Variants in ITGAX observed in about 807,000 individuals in gnomAD.
ITGAX encodes the protein integrin subunit alpha X.
Under a neutral mutation model 140.2 loss-of-function variants are expected in ITGAX, and 99 were observed. The ratio of observed to expected loss-of-function variants is 0.71; its 90% CI spans 0.60 to 0.83. The LOEUF (loss-of-function observed/expected upper bound fraction) is 0.83. Ranked by LOEUF, ITGAX falls within the 40% of genes least tolerant of loss-of-function variation. The pLI, the probability that ITGAX is intolerant of heterozygous loss-of-function variation, is 0.00. For missense variants in ITGAX, 1,444 were observed against 1,482.0 expected, an observed-to-expected ratio of 0.97 and a Z score of 0.42; for synonymous variants, 631 against 600.4, an observed-to-expected ratio of 1.05 and a Z score of -0.75.
intron 14 of ITGAX, among the ~76,000 whole-genome samples, chr16:31,366,119 G>A (rs950634128): frequency 6.6e-6 from 1 of 152,142 alleles, no homozygotes; most frequent in African/African-American, 2.4e-5. Flanking sequence ...TTTTTTACAC[G>A]CTGAAGGTAT....
At chr16:31,372,014 G>A (rs1205891993) in intron 17 of ITGAX, among the ~76,000 whole-genome samples, 1 of 152,184 alleles carries the variant, frequency 6.6e-6, no homozygotes, top group Non-Finnish European at 1.5e-5. Context: ...AAAGAGAATT[G>A]GGCAACCTGA....
chr16:31,380,026 A>AT lies in ITGAX; in HGVS notation c.3022dup (p.Ser1008PhefsTer2), dbSNP rs747306770. 1.9e-6 allele frequency: 3 copies of AT among 1,614,118 alleles called. No homozygotes were observed. Among genetic ancestry groups the AT allele is most frequent in the Non-Finnish European group, 2.5e-6 (3 of 1,180,002 alleles). ...CCTCAGAGAAAATCGCACCCCCAGC[A>AT]TCTGACTTCCTGGCGCACATTCAGA... On this transcript the variant is annotated frameshift_variant, in exon 26 of 30. Transcript: ENST00000268296. LOFTEE classifies it high-confidence loss of function.
At position 31,362,837 on chromosome 16, in the gene ITGAX, C is replaced by T. The variant is rs986135513; in HGVS notation, c.1359+84C>T. 5 of 1,605,660 alleles carry T rather than the reference C, an allele frequency of 3.1e-6. No homozygotes were observed. The African/African-American group carries it at 6.7e-5, about 22-fold the overall frequency. Reference sequence around the variant, plus strand: ...GGAGAGGATGGAGGGGCTTTGAGGGCCTTGGGGGAGGTCCTGGTACCTGGG... The same window carrying T: ...GGAGAGGATGGAGGGGCTTTGAGGGTCTTGGGGGAGGTCCTGGTACCTGGG... On this transcript the variant is annotated intron_variant, in intron 12 of 29. Coordinates refer to ENST00000268296, the MANE Select transcript of ITGAX (RefSeq NM_000887.5).
intron 5 of ITGAX, among the ~76,000 whole-genome samples, chr16:31,359,218 G>T (rs976499885): frequency 2.0e-5 from 3 of 152,044 alleles, no homozygotes; most frequent in Non-Finnish European, 4.4e-5. Context: ...TGCCAGGTTG[G>T]AGTGCTGTGG....
rs1415590772 is a variant in ITGAX, at chr16:31,362,056, T to C, written c.1087-19T>C. ...TCCTGCTCCGGCCTCTGCTCAGCCC[T>C]GGAATCCTTTTCTCCCAGGATGGCC... On this transcript the variant is annotated intron_variant, in intron 10 of 29. Transcript: ENST00000268296. 6 of 1,613,990 alleles carry C rather than the reference T, an allele frequency of 3.7e-6. No individual in the cohort carries two copies. In the South Asian group the frequency reaches 6.6e-5, roughly 18 times the overall value.
At chr16:31,371,261 G>C (rs938395188) in intron 15 of ITGAX, 47 bp downstream of exon 15, 2 of 1,606,248 alleles carry the variant, frequency 1.2e-6, no homozygotes, top group Admixed American at 1.7e-5. Context: ...CCTAGGTTCA[G>C]ATGGGGGTGC....
chr16:31,382,118 G>A lies in ITGAX; in HGVS notation c.*211G>A. 7.0e-7 allele frequency: 1 copy of A among 1,420,836 alleles called. No homozygotes were observed. Among genetic ancestry groups the A allele is most frequent in the Non-Finnish European group, 9.1e-7 (1 of 1,093,796 alleles). The allele number at this position is 1,420,836 out of a possible 1,614,324, so 88.0% of individuals were successfully genotyped here. ...AAACCCTTAGGACAGGGTCCCTGCTGTGTTCCCCAAAGGACTTGACTTGCA... is the reference window on the plus strand; with the variant it reads ...AAACCCTTAGGACAGGGTCCCTGCTATGTTCCCCAAAGGACTTGACTTGCA... On this transcript the variant is annotated 3_prime_UTR_variant, in exon 30 of 30. Coordinates refer to ENST00000268296, the MANE Select transcript of ITGAX (RefSeq NM_000887.5).
chr16:31,369,841 AGT>A (rs2080937139), intron 14 of ITGAX: 1 of 151,922 alleles, frequency 6.6e-6, no homozygotes, highest in Non-Finnish European at 1.5e-5. Flanking sequence ...GCTGGAGTTC[AGT>A]GGCGCAATCA....
In ITGAX at chr16:31,362,601, G is replaced by A. The variant is rs1294621965; in HGVS notation, c.1217-10G>A. 1 of 1,608,828 alleles carries A rather than the reference G, an allele frequency of 6.2e-7. No homozygotes were observed. Among genetic ancestry groups the A allele is most frequent in the Admixed American group, 1.7e-5 (1 of 59,588 alleles). On this transcript the variant is annotated splice_polypyrimidine_tract_variant and intron_variant, in intron 11 of 29. Coordinates refer to ENST00000268296, the MANE Select transcript of ITGAX (RefSeq NM_000887.5). The stretch of plus-strand genomic sequence containing the variant: ...ATGGGGGCCTTTGTGCTGAGGCCTG[G>A]GCCCCTCAGGTTACTCCACCGAGCT...
At position 31,379,647 on chromosome 16, in the gene ITGAX, G is replaced by A; in HGVS notation, c.2868+1G>A. ...CCATGTGGCCATGCACAGATACCAG[G>A]CAGGTGGTGGAGACGCAGGAGACTG... On this transcript the variant is annotated splice_donor_variant, in intron 24 of 29. Transcript: ENST00000268296. LOFTEE classifies it high-confidence loss of function. 2 of 1,564,586 alleles carry A rather than the reference G, an allele frequency of 1.3e-6. No homozygotes were observed. Among genetic ancestry groups the A allele is most frequent in the Non-Finnish European group, 1.7e-6 (2 of 1,153,778 alleles).
intron 19 of ITGAX, 107 bp from the exon 20 acceptor site, chr16:31,373,142 T>C: frequency 2.7e-6 from 2 of 749,702 alleles, no homozygotes; most frequent in Non-Finnish European, 4.1e-6. Flanking sequence ...AACCCAGGGG[T>C]CCGTCCCCTG....
chr16:31,379,962 T>G lies in ITGAX; in HGVS notation c.2977-20T>G. ...CCTGATGTCCCAGCTGAGACACTTG[T>G]TCTCTGCATTTTCCCCCAGAACCCA... On this transcript the variant is annotated intron_variant, in intron 25 of 29. Transcript: ENST00000268296. The G allele has an allele frequency of 6.2e-7, 1 of 1,611,474 alleles. No homozygotes were observed. The highest frequency in any genetic ancestry group is 1.7e-5 in the Admixed American group (1 of 60,018).
rs369193261 is a variant in ITGAX, at chr16:31,371,077, T to C, written c.1711-7T>C. 9.3e-6 allele frequency: 15 copies of C among 1,613,940 alleles called. No homozygotes were observed. In the East Asian group the frequency reaches 1.8e-4, roughly 19 times the overall value. ...CATCTTGATTCACCCTTCTCTCCTC[T>C]GGCCAGCGGATCGCGGGCTCCCAGC... On this transcript the variant is annotated splice_region_variant and splice_polypyrimidine_tract_variant and intron_variant, in intron 14 of 29. Transcript: ENST00000268296.
chr16:31,379,945 C>T, intron 25 of ITGAX, 37 bp from the exon 26 acceptor site: 1 of 1,608,672 alleles, frequency 6.2e-7, no homozygotes, highest in Non-Finnish European at 8.5e-7. Context: ...TCCCTGATGT[C>T]CCAGCTGAGA....
At position 31,382,775 on chromosome 16, in the gene ITGAX, C is replaced by A; in HGVS notation, c.*868C>A. ...CGCCCTCTAGGGAGGGACATGGCCC[C>A]GGTGCGGCTGCAGCTCACCCAGCCC... On this transcript the variant is annotated 3_prime_UTR_variant, in exon 30 of 30. Coordinates refer to ENST00000268296, the MANE Select transcript of ITGAX (RefSeq NM_000887.5). 1 of 465,178 alleles carries A rather than the reference C, an allele frequency of 2.1e-6. No individual in the cohort carries two copies. The highest frequency in any genetic ancestry group is 3.9e-6 in the Non-Finnish European group (1 of 259,372). The allele number at this position is 465,178 out of a possible 1,614,324, so 28.8% of individuals were successfully genotyped here.
chr16:31,372,485 T>A lies in ITGAX; in HGVS notation c.2268T>A (p.Asp756Glu). 1 of 1,607,596 alleles carries A rather than the reference T, an allele frequency of 6.2e-7. No individual in the cohort carries two copies. The highest frequency in any genetic ancestry group is 8.5e-7 in the Non-Finnish European group (1 of 1,178,400). Residue 756 changes from aspartate to glutamate, a missense_variant, in exon 18 of 30, where the codon GAT becomes GAA. Asp to Glu is a conservative substitution (Grantham distance 45). Coordinates refer to ENST00000268296, the MANE Select transcript of ITGAX (RefSeq NM_000887.5). ...FRNLRPMLAADAQRYFTASLP... is the reference protein window; with the variant it reads ...FRNLRPMLAAEAQRYFTASLP... ...ACCTGCGGCCTATGCTGGCCGCCGA[T>A]GCTCAGAGATACTTCACGGCCTCCG... is the stretch of plus-strand genomic sequence containing the variant.
chr16:31,378,332 A>T (rs1395878137), intron 23 of ITGAX, among the ~76,000 whole-genome samples: 2 of 152,224 alleles, frequency 1.3e-5, no homozygotes, highest in Admixed American at 1.3e-4. Context: ...CCACAAAGGG[A>T]TGGAAGGAAA....
rs1325019771 is a variant in ITGAX, at chr16:31,380,949, T to C, written c.3329T>C (p.Val1110Ala). The change falls in exon 29 of 30, where the codon GTA (valine) becomes GCA (alanine). Residue 1110 changes from valine to alanine, a missense_variant. Coordinates refer to ENST00000268296, the MANE Select transcript of ITGAX (RefSeq NM_000887.5). ...GTCCACAACCCCACCCCCCTCATCG[T>C]AGGCAGCTCCATTGGGGGTCTGTTG... ...YKVHNPTPLI[V>A]GSSIGGLLLL... The C allele has an allele frequency of 1.2e-6, 2 of 1,614,066 alleles. No individual in the cohort carries two copies. Among genetic ancestry groups the C allele is most frequent in the Non-Finnish European group, 1.7e-6 (2 of 1,180,044 alleles).
chr16:31,362,791 A>G, intron 12 of ITGAX, 38 bp downstream of exon 12: 10 of 1,610,278 alleles, frequency 6.2e-6, no homozygotes, highest in Non-Finnish European at 8.5e-6. Context: ...GGATGAGGGT[A>G]GGGGAGGTGG....
Sources: gnomAD v4.1 joint callset for allele counts (sites outside exome capture counted in the v4.1 genomes callset) on GRCh38, gnomAD v4.1.1 for gene constraint, MANE v1.5 for transcripts, NCBI Gene and HGNC (gene_info 2026-07-23, HGNC 2026-07-21) for gene names.